The following WWC2 variants were observed in gnomAD, a reference collection of about 807,000 sequenced individuals.
WWC2 encodes WW and C2 domain containing 2, also known as protein WWC2.
A neutral mutation model predicts 138.5 loss-of-function variants in WWC2; 101 were observed. The ratio of observed to expected loss-of-function variants is 0.73; its 90% CI spans 0.62 to 0.86. The LOEUF is 0.86. WWC2 is among the 40% of genes least tolerant of loss of function. The pLI is 0.00. For missense variants in WWC2, 1,420 were observed against 1,419.4 expected, an observed-to-expected ratio of 1.00 and a Z score of -0.01; for synonymous variants, 558 against 538.4, an observed-to-expected ratio of 1.04 and a Z score of -0.50.
At chr4:183,230,705 TGGCTATAATAG>T in intron 4 of WWC2, among the ~76,000 whole-genome samples, 1 of 151,008 alleles carries the variant, frequency 6.6e-6, no homozygotes, top group Non-Finnish European at 1.5e-5. Context: ...ATAGAAAACA[TGGCTATAATAG>T]AAAGGATCAA....
intron 18 of WWC2, 114 bp from the exon 19 acceptor site, chr4:183,284,112 A>G (rs992964012): frequency 2.2e-5 from 28 of 1,285,470 alleles, no homozygotes; most frequent in Non-Finnish European, 2.6e-5. Flanking sequence ...AGGAGTGGCC[A>G]TAGTGCTCCA....
rs139589895 is a variant in WWC2 at position 183,209,059 on chromosome 4, C to G, written c.522+34C>G. 945 of 1,425,678 alleles carry G rather than the reference C, an allele frequency of 6.6e-4. 1 individual carries two copies. The African/African-American group carries it at 0.012, about 18-fold the overall frequency. The allele number at this position is 1,425,678 out of a possible 1,614,324, so 88.3% of individuals were successfully genotyped here. A position where few individuals can be genotyped will look rare whatever the true frequency, so the allele number is the denominator to read the frequency against. On this transcript the variant is annotated intron_variant, in intron 4 of 22. Transcript: ENST00000403733. ...TTTTAAATTGTGGTTCTATGTTGAC[C>G]CATATGCATAGAGTCTGAAGGCTGT...
intron 16 of WWC2, 111 bp from the exon 17 acceptor site, chr4:183,280,665 A>G: frequency 8.6e-7 from 1 of 1,159,038 alleles, no homozygotes; most frequent in Non-Finnish European, 1.2e-6. Flanking sequence ...TGTTTTCAGC[A>G]GGAGAGTTGA....
intron 14 of WWC2, among the ~76,000 whole-genome samples, chr4:183,267,984 G>A (rs564893822): frequency 3.3e-5 from 5 of 151,782 alleles, no homozygotes; most frequent in Non-Finnish European, 5.9e-5. Flanking sequence ...CTGAATCTTC[G>A]GCCTCCCAGG....
Position 183,208,118 on chromosome 4 carries a change from A to G in WWC2, c.407A>G (p.Asn136Ser). The G allele has an allele frequency of 6.2e-7, 1 of 1,613,778 alleles. No homozygotes were observed. The highest frequency in any genetic ancestry group is 1.1e-5 in the South Asian group (1 of 91,074). The change falls in exon 3 of 23, where the codon AAT (asparagine) becomes AGT (serine). Residue 136 changes from asparagine to serine, a missense_variant. Transcript: ENST00000403733. ...GCCCTGGATGAATACGTGCGATTAA[A>G]TGATGCCTATAAGGAAAAGTCAAGT... ...ALALDEYVRL[N>S]DAYKEKSSSH...
intron 11 of WWC2, among the ~76,000 whole-genome samples, chr4:183,264,677 T>A (rs571271040): frequency 1.2e-3 from 179 of 152,248 alleles, no homozygotes; most frequent in African/African-American, 4.1e-3. Flanking sequence ...AGTGAATGCT[T>A]GAAAGAAAGA....
intron 4 of WWC2, among the ~76,000 whole-genome samples, chr4:183,235,328 A>AT (rs985987845): frequency 6.6e-6 from 1 of 152,034 alleles, no homozygotes; most frequent in East Asian, 1.9e-4. Flanking sequence ...TCAATTTTAG[A>AT]TTTTTTTTGA....
At chr4:183,207,873 G>C in intron 2 of WWC2, 80 bp from the exon 3 acceptor site, 2 of 1,313,896 alleles carry the variant, frequency 1.5e-6, no homozygotes, top group Non-Finnish European at 1.0e-6. Context: ...AAGAACTTAA[G>C]CTAGCCTACT....
At chr4:183,118,563 A>G (rs754276551) in intron 1 of WWC2, among the ~76,000 whole-genome samples, 3 of 152,254 alleles carry the variant, frequency 2.0e-5, no homozygotes, top group Non-Finnish European at 4.4e-5. Context: ...ATGAGCAACA[A>G]TTGTTAAAAT....
At chr4:183,231,145 T>A (rs79023321) in intron 4 of WWC2, among the ~76,000 whole-genome samples, 4,847 of 151,778 alleles carry the variant, frequency 0.032, 245 homozygotes, top group African/African-American at 0.11. Flanking sequence ...TTTAAAATTA[T>A]ATATAATAGC....
At chr4:183,250,078 G>A (rs539417546) in intron 8 of WWC2, 85 bp downstream of exon 8, 21 of 1,249,448 alleles carry the variant, frequency 1.7e-5, no homozygotes, top group South Asian at 8.0e-5. Context: ...ACATCTGCTG[G>A]GCACTCCCCA....
At position 183,289,502 on chromosome 4, in the gene WWC2, A is replaced by G. The variant is rs149738870; in HGVS notation, c.3251A>G (p.Asn1084Ser). The G allele has an allele frequency of 2.1e-4, 337 of 1,613,932 alleles. 2 individuals carry two copies. Among genetic ancestry groups the G allele is most frequent in the African/African-American group, 1.6e-3 (122 of 75,058 alleles). Residue 1084 changes from asparagine to serine, a missense_variant, in exon 21 of 23, where the codon AAT becomes AGT. By Grantham distance (46) the Asn-to-Ser change is conservative. Coordinates refer to ENST00000403733, the MANE Select transcript of WWC2 (RefSeq NM_024949.6). The part of the protein sequence containing the change: ...QASLTRQSRL[N>S]DELQALRDLR... ...TCTCTGACCCGGCAGAGCCGCCTCA[A>G]TGATGAGCTGCAGGCGCTGAGGGAC...
intron 4 of WWC2, among the ~76,000 whole-genome samples, chr4:183,225,263 G>A (rs1560852600): frequency 1.3e-5 from 2 of 152,188 alleles, no homozygotes; most frequent in Non-Finnish European, 1.5e-5. Context: ...CAGTGTGATA[G>A]TGACACAAAA....
At chr4:183,170,237 G>T (rs1257398136) in intron 1 of WWC2, among the ~76,000 whole-genome samples, 1 of 152,184 alleles carries the variant, frequency 6.6e-6, no homozygotes, top group Non-Finnish European at 1.5e-5. Flanking sequence ...TCCATTATCT[G>T]TCTTAAAACA....
intron 14 of WWC2, among the ~76,000 whole-genome samples, chr4:183,268,650 T>C (rs1315733982): frequency 1.3e-5 from 2 of 152,150 alleles, no homozygotes; most frequent in African/African-American, 4.8e-5. Flanking sequence ...GAATTGGCTG[T>C]CCATGGGGCA....
In WWC2 at chr4:183,189,941, A is replaced by G. The variant is rs1734945427; in HGVS notation, c.132-3658A>G. Among the ~76,000 whole-genome samples the G allele has an allele frequency of 4.6e-5, 7 of 152,224 alleles. No individual in the cohort carries two copies. The South Asian group carries it at 1.2e-3, about 27-fold the overall frequency. On this transcript the variant is annotated intron_variant, in intron 1 of 22. Coordinates refer to ENST00000403733, the MANE Select transcript of WWC2 (RefSeq NM_024949.6). ...TAGGACATGTATTTGAGTTGACAAT[A>G]AATATTAAATGACTGTGAAAGAATG...
chr4:183,305,088 A>T (rs1205414710), intron 21 of WWC2, among the ~76,000 whole-genome samples: 1 of 152,216 alleles, frequency 6.6e-6, no homozygotes, highest in Non-Finnish European at 1.5e-5. Context: ...AGTCCTAGAG[A>T]TCAAAAACAC....
intron 1 of WWC2, among the ~76,000 whole-genome samples, chr4:183,146,150 G>A (rs553994949): frequency 4.0e-4 from 61 of 152,314 alleles, no homozygotes; most frequent in Non-Finnish European, 7.3e-4. Flanking sequence ...CAGAATGGTG[G>A]TCCCAGTCCT....
At chr4:183,301,771 C>A (rs72703405) in intron 21 of WWC2, among the ~76,000 whole-genome samples, 9,260 of 152,218 alleles carry the variant, frequency 0.061, 305 homozygotes, top group South Asian at 0.085. Flanking sequence ...TCAGGTGATG[C>A]AGAACTATAT....
Sources: allele counts gnomAD v4.1 joint callset (sites outside exome capture counted in the v4.1 genomes callset), GRCh38; gene constraint gnomAD v4.1.1; transcripts MANE v1.5; gene names NCBI Gene and HGNC (gene_info 2026-07-23, HGNC 2026-07-21).